The following MAF variants were observed in gnomAD, a reference collection of about 807,000 sequenced individuals.
The protein encoded by MAF is transcription factor Maf.
A neutral mutation model predicts 22.0 loss-of-function variants in MAF; 10 were observed. The ratio of observed to expected loss-of-function variants is 0.45; its 90% CI spans 0.28 to 0.77. The LOEUF is 0.77. Among genes scored for constraint, MAF ranks in the 30% least tolerant of loss-of-function variants. MAF has a pLI of 0.12. For synonymous variants in MAF, 337 were observed against 255.8 expected (o/e 1.32, Z -3.03); for missense variants, 544 against 548.4 (o/e 0.99, Z 0.08).
At chr16:79,337,958 G>C in the MAF span, among the ~76,000 whole-genome samples, 1 of 151,994 alleles carries the variant, frequency 6.6e-6, no homozygotes, top group South Asian at 2.1e-4. Context: ...ATTCCTTCTT[G>C]TATGCACTTC....
chr16:79,583,904 C>T (rs1189589199), downstream of MAF, among the ~76,000 whole-genome samples: 1 of 152,118 alleles, frequency 6.6e-6, no homozygotes, highest in Non-Finnish European at 1.5e-5. Context: ...TGTTAGAAGC[C>T]CTATTTTAAG....
chr16:79,400,491 A>G, the MAF span, among the ~76,000 whole-genome samples: 4 of 152,240 alleles, frequency 2.6e-5, no homozygotes, highest in Admixed American at 2.6e-4. Context: ...GTTAAGTACT[A>G]CAAACATGAG....
the MAF span, among the ~76,000 whole-genome samples, chr16:79,481,683 C>A: frequency 1.3e-5 from 2 of 151,956 alleles, no homozygotes; most frequent in African/African-American, 4.8e-5. Context: ...CACCAATTTA[C>A]CTATCCACCC....
the MAF span, among the ~76,000 whole-genome samples, chr16:79,447,478 G>A: frequency 6.6e-6 from 1 of 152,158 alleles, no homozygotes; most frequent in Non-Finnish European, 1.5e-5. Flanking sequence ...GCAGCCCATG[G>A]ACCAAGGAAT....
chr16:79,419,557 G>T, the MAF span, among the ~76,000 whole-genome samples: 1 of 152,106 alleles, frequency 6.6e-6, no homozygotes, highest in East Asian at 1.9e-4. Flanking sequence ...GCAACTCTCT[G>T]GTGTCTAGGA....
the MAF span, among the ~76,000 whole-genome samples, chr16:79,275,658 T>C: frequency 6.6e-6 from 1 of 152,208 alleles, no homozygotes; most frequent in Non-Finnish European, 1.5e-5. Context: ...TACTTTTTAA[T>C]TTGGAATACA....
chr16:79,437,711 A>G, the MAF span, among the ~76,000 whole-genome samples: 1 of 152,168 alleles, frequency 6.6e-6, no homozygotes, highest in Non-Finnish European at 1.5e-5. Context: ...GCTAGCTTCC[A>G]GAGCACGAGC....
At chr16:79,220,350 C>T in the MAF span, among the ~76,000 whole-genome samples, 1 of 151,812 alleles carries the variant, frequency 6.6e-6, no homozygotes, top group Non-Finnish European at 1.5e-5. Context: ...CATAGTCCCA[C>T]CACTCAAAAG....
chr16:79,256,251 G>A, the MAF span, among the ~76,000 whole-genome samples: 45 of 152,024 alleles, frequency 3.0e-4, no homozygotes, highest in African/African-American at 9.9e-4. Flanking sequence ...GCCTCCCAGA[G>A]TGCTGGGATT....
chr16:79,502,720 T>TATATATAA, the MAF span, among the ~76,000 whole-genome samples: 1 of 23,580 alleles, frequency 4.2e-5, no homozygotes, highest in African/African-American at 1.5e-4. Context: ...TATATATATA[T>TATATATAA]ATATATATAT....
At chr16:79,210,279 G>T in the MAF span, among the ~76,000 whole-genome samples, 46 of 152,098 alleles carry the variant, frequency 3.0e-4, no homozygotes, top group African/African-American at 9.6e-4. Context: ...CCTTATGGCA[G>T]ATTCTTCACG....
chr16:79,552,182 C>T, the MAF span, among the ~76,000 whole-genome samples: 19 of 151,834 alleles, frequency 1.3e-4, no homozygotes, highest in African/African-American at 4.6e-4. Flanking sequence ...ATCCTGCTGC[C>T]TTGTTCTTCT....
the MAF span, among the ~76,000 whole-genome samples, chr16:79,507,914 C>A: frequency 1.2e-4 from 18 of 152,126 alleles, no homozygotes; most frequent in Non-Finnish European, 2.5e-4. Context: ...TACCTGAAAG[C>A]ATTAGACTTG....
the MAF span, chr16:79,205,373 T>G: frequency 6.6e-6 from 1 of 152,186 alleles, no homozygotes; most frequent in Admixed American, 6.5e-5. Context: ...GCCTGAGGTT[T>G]TTCTACCTTT....
At chr16:79,597,930 T>C in intron 1 of MAF, 3 of 1,039,770 alleles carry the variant, frequency 2.9e-6, no homozygotes, top group Non-Finnish European at 3.5e-6. Context: ...AATGGCAGAC[T>C]AAACTCTCAG....
At chr16:79,233,126 C>T in the MAF span, among the ~76,000 whole-genome samples, 3 of 151,938 alleles carry the variant, frequency 2.0e-5, no homozygotes, top group Non-Finnish European at 4.4e-5. Flanking sequence ...AGGCGTGAAC[C>T]ACCGCGCCCG....
At chr16:79,336,879 A>G in the MAF span, among the ~76,000 whole-genome samples, 1 of 152,212 alleles carries the variant, frequency 6.6e-6, no homozygotes, top group Non-Finnish European at 1.5e-5. Flanking sequence ...ATTTATTTAC[A>G]TCTTCCATAA....
the MAF span, among the ~76,000 whole-genome samples, chr16:79,358,416 G>T: frequency 1.3e-5 from 2 of 152,096 alleles, no homozygotes; most frequent in African/African-American, 4.8e-5. Flanking sequence ...CCCTAGCTGT[G>T]ATTATTTTTA....
chr16:79,500,598 G>T, the MAF span, among the ~76,000 whole-genome samples: 1 of 152,130 alleles, frequency 6.6e-6, no homozygotes, highest in Non-Finnish European at 1.5e-5. Flanking sequence ...CCCAGAGGCT[G>T]GGTGGCTGTA....
Sources: allele counts gnomAD v4.1 joint callset (sites outside exome capture counted in the v4.1 genomes callset), GRCh38; gene constraint gnomAD v4.1.1; transcripts MANE v1.5; gene names NCBI Gene and HGNC (gene_info 2026-07-23, HGNC 2026-07-21).